Variants in CHD9 observed in about 807,000 individuals in gnomAD.
CHD9 encodes the protein ATP-dependent chromatin remodeler CHD9.
CHD9 carries 77 observed loss-of-function variants against 316.1 expected under a neutral mutation model. The observed-to-expected ratio is 0.24, with a 90% CI of 0.20 to 0.29. CHD9 has a LOEUF of 0.29. CHD9 is among the 10% of genes least tolerant of loss of function. The pLI is 1.00. For missense variants in CHD9, 2,763 were observed against 3,438.1 expected, an observed-to-expected ratio of 0.80 and a Z score of 4.91; for synonymous variants, 1,129 against 1,158.3, an observed-to-expected ratio of 0.97 and a Z score of 0.51.
At chr16:53,132,686 C>A (rs1453007640) in intron 1 of CHD9, among the ~76,000 whole-genome samples, 1 of 151,996 alleles carries the variant, frequency 6.6e-6, no homozygotes, top group Middle Eastern at 3.2e-3. Flanking sequence ...CCACATGGAG[C>A]CTTACGTTCG....
intron 1 of CHD9, among the ~76,000 whole-genome samples, chr16:53,070,636 C>A (rs1324203646): frequency 6.6e-6 from 1 of 151,780 alleles, no homozygotes; most frequent in African/African-American, 2.4e-5. Flanking sequence ...CTCACTGCAA[C>A]CTCTGCCTCC....
In CHD9 at chr16:53,308,747, G is replaced by T. The variant is rs372893588; in HGVS notation, c.7115G>T (p.Gly2372Val). ...QGLAQKRPFD[G>V]EDGALGQQQY... is the part of the protein sequence containing the mutation. ...CTTGCTCAGAAAAGACCATTTGATG[G>T]TGAAGACGGTGCTCTGGGGCAGCAG... The change falls in exon 34 of 39, where the codon GGT becomes GTT. Residue 2372 changes from glycine to valine, a missense_variant. Coordinates refer to ENST00000447540, the MANE Select transcript of CHD9 (RefSeq NM_001308319.2). 4.3e-6 allele frequency: 7 copies of T among 1,613,306 alleles called. No individual in the cohort carries two copies. Among genetic ancestry groups the T allele is most frequent in the Admixed American group, 3.3e-5 (2 of 59,954 alleles).
At chr16:53,263,655 A>G (rs2051364271) in intron 20 of CHD9, among the ~76,000 whole-genome samples, 1 of 152,152 alleles carries the variant, frequency 6.6e-6, no homozygotes, top group Non-Finnish European at 1.5e-5. Flanking sequence ...AATTATCAAA[A>G]TAACAGCTAG....
In CHD9 at chr16:53,308,763, G is replaced by A. The variant is rs749687693; in HGVS notation, c.7131G>A (p.Leu2377=). The A allele has an allele frequency of 1.9e-6, 3 of 1,613,424 alleles. No individual in the cohort carries two copies. The highest frequency in any genetic ancestry group is 2.2e-5 in the East Asian group (1 of 44,842). ...KRPFDGEDGA[L]GQQQYLTRLR... ...CATTTGATGGTGAAGACGGTGCTCT[G>A]GGGCAGCAGCAGTACCTCACTCGGC... The change falls in exon 34 of 39, where the codon CTG becomes CTA. Residue 2377 remains leucine (L), a synonymous_variant. Transcript: ENST00000447540.
intron 1 of CHD9, among the ~76,000 whole-genome samples, chr16:53,062,098 A>G (rs1400908380): frequency 6.6e-6 from 1 of 152,094 alleles, no homozygotes; most frequent in Non-Finnish European, 1.5e-5. Context: ...ACTTCCTCCA[A>G]CTTGTGGGAC....
chr16:53,178,895 C>A (rs2043279698), intron 2 of CHD9, among the ~76,000 whole-genome samples: 1 of 152,130 alleles, frequency 6.6e-6, no homozygotes, highest in Admixed American at 6.5e-5. Flanking sequence ...CACCTGTAGT[C>A]CCAGTTACTT....
chr16:53,162,448 TA>T (rs1452983259), intron 2 of CHD9, among the ~76,000 whole-genome samples: 1 of 152,220 alleles, frequency 6.6e-6, no homozygotes, highest in Non-Finnish European at 1.5e-5. Context: ...CTGCTGTCTT[TA>T]TAGCAGAATC....
intron 1 of CHD9, among the ~76,000 whole-genome samples, chr16:53,136,174 TAACC>T (rs1475726741): frequency 1.3e-5 from 2 of 152,212 alleles, no homozygotes; most frequent in Non-Finnish European, 2.9e-5. Flanking sequence ...ATTATGAAGT[TAACC>T]AAGCAAATAT....
rs375811123 is a variant in CHD9, at chr16:53,076,402, C to T, written c.-165+21325C>T. Among the ~76,000 whole-genome samples, 3 of 152,160 alleles carry T rather than the reference C, an allele frequency of 2.0e-5. No homozygotes were observed. In the South Asian group the frequency reaches 6.2e-4, roughly 32 times the overall value. On this transcript the variant is annotated intron_variant, in intron 1 of 38. Coordinates refer to ENST00000447540, the MANE Select transcript of CHD9 (RefSeq NM_001308319.2). The stretch of plus-strand genomic sequence containing the variant: ...CCAGCCTGGCCAACATGGCAAAACC[C>T]CATCTCTACTAAAAATACAAAAATT...
intron 1 of CHD9, among the ~76,000 whole-genome samples, chr16:53,152,021 C>T (rs1488349156): frequency 4.0e-5 from 6 of 151,678 alleles, no homozygotes; most frequent in Middle Eastern, 3.4e-3. Context: ...CACATACACA[C>T]GTGTGTGTGC....
chr16:53,234,365 T>G (rs1225819802), intron 10 of CHD9, among the ~76,000 whole-genome samples: 1 of 152,204 alleles, frequency 6.6e-6, no homozygotes, highest in East Asian at 1.9e-4. Context: ...CAGTACAATG[T>G]TGAATAGAAG....
At chr16:53,208,367 A>G in intron 2 of CHD9, 2 of 1,278,956 alleles carry the variant, frequency 1.6e-6, no homozygotes, top group Non-Finnish European at 2.0e-6. Flanking sequence ...AGCCTGAATG[A>G]GTGGGAGGAG....
At chr16:53,299,711 A>G in intron 30 of CHD9, 1 of 270,346 alleles carries the variant, frequency 3.7e-6, no homozygotes, top group Middle Eastern at 1.3e-3. Flanking sequence ...TGGTGCATAC[A>G]CTGTGTGTCC....
intron 2 of CHD9, among the ~76,000 whole-genome samples, chr16:53,185,314 T>G (rs999506734): frequency 6.6e-5 from 10 of 152,206 alleles, no homozygotes; most frequent in African/African-American, 2.4e-4. Flanking sequence ...ATGGGCAGAT[T>G]GTTGGGAACT....
At chr16:53,143,338 T>C (rs1207502977) in intron 1 of CHD9, among the ~76,000 whole-genome samples, 1 of 150,318 alleles carries the variant, frequency 6.7e-6, no homozygotes, top group Non-Finnish European at 1.5e-5. Context: ...AATGATTTTA[T>C]TTATTTTTAT....
In CHD9 at chr16:53,157,155, C is replaced by T. The variant is rs1318903971; in HGVS notation, c.1066C>T (p.Pro356Ser). ...TAATTATAGCAATTCAAAATTATCTCCTGTGCACATGAACTTCCCAGATCC... is the reference window on the plus strand; with the variant it reads ...TAATTATAGCAATTCAAAATTATCTTCTGTGCACATGAACTTCCCAGATCC... Reference protein sequence around the residue: ...QGNYSNSKLSPVHMNFPDPVD... With the variant: ...QGNYSNSKLSSVHMNFPDPVD... Residue 356 changes from proline to serine, a missense_variant, in exon 2 of 39, where the codon CCT becomes TCT. Transcript: ENST00000447540. 3.1e-6 allele frequency: 5 copies of T among 1,609,424 alleles called. No homozygotes were observed. The highest frequency in any genetic ancestry group is 1.6e-4 in the Middle Eastern group (1 of 6,074).
chr16:53,064,536 C>G lies in CHD9; in HGVS notation c.-165+9459C>G, dbSNP rs576931179. Among the ~76,000 whole-genome samples, 50 of 152,246 alleles carry G rather than the reference C, an allele frequency of 3.3e-4. 1 individual carries two copies. The highest frequency in any genetic ancestry group is 6.8e-3 in the Middle Eastern group (2 of 294). On this transcript the variant is annotated intron_variant, in intron 1 of 38. Transcript: ENST00000447540. ...GAAAAGCCCCCTAGGGCCAGCAGTA[C>G]AGTGGGCTGGAGGCTGGTGAACCTG...
At chr16:53,252,483 T>C (rs553810989) in intron 17 of CHD9, among the ~76,000 whole-genome samples, 1 of 152,238 alleles carries the variant, frequency 6.6e-6, no homozygotes, top group South Asian at 2.1e-4. Context: ...CTTCTAGACA[T>C]TGGCTTAGGC....
intron 24 of CHD9, among the ~76,000 whole-genome samples, 195 bp downstream of exon 24, chr16:53,274,497 C>T (rs2052596304): frequency 6.6e-6 from 1 of 151,952 alleles, no homozygotes; most frequent in Non-Finnish European, 1.5e-5. Flanking sequence ...CTCTTGTTGC[C>T]CAGGGTGGAG....
Sources: gnomAD v4.1 joint callset for allele counts (sites outside exome capture counted in the v4.1 genomes callset) on GRCh38, gnomAD v4.1.1 for gene constraint, MANE v1.5 for transcripts, NCBI Gene and HGNC (gene_info 2026-07-23, HGNC 2026-07-21) for gene names.